JARID2: variants seen among roughly 807,000 people sequenced by gnomAD.
JARID2 encodes the protein protein Jumonji.
JARID2 carries 21 observed loss-of-function variants against 125.6 expected under a neutral mutation model. The observed-to-expected ratio is 0.17, with a 90% CI of 0.12 to 0.24. The LOEUF (loss-of-function observed/expected upper bound fraction) is 0.24, where lower values mean the gene tolerates loss of function less well. JARID2 is among the 10% of genes least tolerant of loss of function. JARID2 has a pLI of 1.00. For synonymous variants in JARID2, 736 were observed against 661.6 expected, an observed-to-expected ratio of 1.11 and a Z score of -1.73; for missense variants, 1,303 against 1,639.6, an observed-to-expected ratio of 0.79 and a Z score of 3.55.
At chr6:15,423,952 G>C (rs1468603603) in intron 3 of JARID2, among the ~76,000 whole-genome samples, 2 of 152,056 alleles carry the variant, frequency 1.3e-5, no homozygotes, top group African/African-American at 2.4e-5. Context: ...CTCCCGGAGG[G>C]TCTTTTTGTT....
intron 12 of JARID2, among the ~76,000 whole-genome samples, chr6:15,510,348 TC>T (rs1561915989): frequency 6.6e-6 from 1 of 151,786 alleles, no homozygotes; most frequent in Non-Finnish European, 1.5e-5. Flanking sequence ...TCCCCTCACA[TC>T]CCCCTCATTC....
chr6:15,272,617 A>AC (rs1328280021), intron 1 of JARID2, among the ~76,000 whole-genome samples: 8 of 152,092 alleles, frequency 5.3e-5, no homozygotes, highest in African/African-American at 9.6e-5. Flanking sequence ...CCAGGGTTGG[A>AC]CCCCCCTACC....
intron 1 of JARID2, among the ~76,000 whole-genome samples, chr6:15,337,400 G>A (rs1762913014): frequency 6.6e-6 from 1 of 152,208 alleles, no homozygotes; most frequent in African/African-American, 2.4e-5. Flanking sequence ...ATGGCTCAGG[G>A]CACCTCCTGT....
intron 12 of JARID2, chr6:15,509,189 C>T (rs1771156144): frequency 3.2e-6 from 4 of 1,268,574 alleles, no homozygotes; most frequent in Non-Finnish European, 1.0e-6. Context: ...TGCACCCATC[C>T]CTGATCGAGG....
chr6:15,261,379 A>G (rs1464112786), intron 1 of JARID2, among the ~76,000 whole-genome samples: 4 of 134,836 alleles, frequency 3.0e-5, no homozygotes, highest in Non-Finnish European at 4.5e-5. Flanking sequence ...CAGTGGCGCT[A>G]TCTTGGCTCA....
intron 1 of JARID2, among the ~76,000 whole-genome samples, chr6:15,311,980 C>G (rs1028011007): frequency 6.6e-6 from 1 of 152,084 alleles, no homozygotes; most frequent in Non-Finnish European, 1.5e-5. Context: ...TCAATTTAAC[C>G]TAAAAAATTG....
intron 1 of JARID2, among the ~76,000 whole-genome samples, chr6:15,291,520 G>A (rs961077380): frequency 2.0e-5 from 3 of 152,148 alleles, no homozygotes; most frequent in Non-Finnish European, 1.5e-5. Flanking sequence ...ATGAAGAAGG[G>A]GAGTTTCTTG....
At chr6:15,481,650 C>A (rs996876891) in intron 5 of JARID2, among the ~76,000 whole-genome samples, 2 of 152,108 alleles carry the variant, frequency 1.3e-5, no homozygotes, top group African/African-American at 4.8e-5. Flanking sequence ...CTTTACTTCC[C>A]GTTTAACACA....
At chr6:15,477,870 G>A (rs974584600) in intron 5 of JARID2, among the ~76,000 whole-genome samples, 5 of 152,202 alleles carry the variant, frequency 3.3e-5, no homozygotes, top group Non-Finnish European at 7.3e-5. Context: ...ACTCGAGAAA[G>A]TTTATGTATC....
At chr6:15,505,413 C>G (rs934688026) in intron 9 of JARID2, 1 of 151,258 alleles carries the variant, frequency 6.6e-6, no homozygotes, top group East Asian at 1.9e-4. Context: ...CGGTTTGCCC[C>G]GTGTATACAT....
intron 3 of JARID2, 60 bp downstream of exon 3, chr6:15,410,425 C>T: frequency 6.6e-7 from 1 of 1,524,124 alleles, no homozygotes; most frequent in South Asian, 1.2e-5. Flanking sequence ...ACTCAGGTGC[C>T]AGTTTTCACC....
At chr6:15,516,386 C>T (rs1016341629) in intron 16 of JARID2, among the ~76,000 whole-genome samples, 20 of 152,226 alleles carry the variant, frequency 1.3e-4, no homozygotes, top group Non-Finnish European at 1.3e-4. Context: ...AGCCAGGTGG[C>T]TGTTTCCTTT....
chr6:15,404,662 C>CA (rs1765579250), intron 2 of JARID2, among the ~76,000 whole-genome samples: 1 of 152,120 alleles, frequency 6.6e-6, no homozygotes, highest in Non-Finnish European at 1.5e-5. Context: ...GACAGGGTGA[C>CA]AGACGGCATT....
At chr6:15,502,237 C>T (rs1170203469) in intron 8 of JARID2, among the ~76,000 whole-genome samples, 1 of 152,254 alleles carries the variant, frequency 6.6e-6, no homozygotes, top group Non-Finnish European at 1.5e-5. Context: ...CTTGGCAGCT[C>T]TCCCAGCTGT....
rs368841624 is a variant in JARID2 at position 15,496,748 on chromosome 6, C to G, written c.1523C>G (p.Thr508Arg). ...RPKRATAGKS[T>R]PGRQAHGKAD... ...AAGCGGGCCACGGCCGGGAAGAGCA[C>G]GCCAGGCAGACAAGCACATGGCAAG... Residue 508 changes from threonine to arginine, a missense_variant, in exon 7 of 18, where the codon ACG (threonine) becomes AGG (arginine). Thr to Arg is a moderately conservative substitution (Grantham distance 71). Around this residue, in one of 11 missense-constraint regions of JARID2, gnomAD observed 651 missense variants for 581.6 expected, o/e 1.12. Transcript: ENST00000341776. 1 of 1,613,546 alleles carries G rather than the reference C, an allele frequency of 6.2e-7. No individual in the cohort carries two copies. Among genetic ancestry groups the G allele is most frequent in the Non-Finnish European group, 8.5e-7 (1 of 1,179,966 alleles).
At chr6:15,448,900 C>G (rs1479004407) in intron 3 of JARID2, among the ~76,000 whole-genome samples, 1 of 152,030 alleles carries the variant, frequency 6.6e-6, no homozygotes, top group Non-Finnish European at 1.5e-5. Context: ...TGTTGAGTCC[C>G]AATAAATTAG....
At chr6:15,499,345 C>T (rs1007873342) in intron 7 of JARID2, among the ~76,000 whole-genome samples, 19 of 152,176 alleles carry the variant, frequency 1.2e-4, no homozygotes, top group Admixed American at 3.3e-4. Context: ...GGAAGGGGCT[C>T]GGCCACGTAG....
chr6:15,264,145 A>T (rs1466381610), intron 1 of JARID2, among the ~76,000 whole-genome samples: 4 of 152,172 alleles, frequency 2.6e-5, no homozygotes, highest in Non-Finnish European at 5.9e-5. Context: ...CATGTGGCCT[A>T]GTGGTATTGA....
At chr6:15,300,698 TGTGTGTGTGTGTGTGTGTGTGTGTGA>T (rs1464522954) in intron 1 of JARID2, among the ~76,000 whole-genome samples, 4 of 137,154 alleles carry the variant, frequency 2.9e-5, no homozygotes, top group African/African-American at 1.2e-4. Flanking sequence ...TGTGTGTGTG[TGTGTGTGTGTGTGTGTGTGTGTGTGA>T]GAGAGAGAGA....
Sources: gnomAD v4.1 joint callset for allele counts (sites outside exome capture counted in the v4.1 genomes callset) on GRCh38, gnomAD v4.1.1 for gene constraint, gnomAD v4.1.1 regional missense constraint, MANE v1.5 for transcripts, NCBI Gene and HGNC (gene_info 2026-07-23, HGNC 2026-07-21) for gene names.